The following CCND2 variants were observed in gnomAD, a reference collection of about 807,000 sequenced individuals.
CCND2 encodes the protein cyclin D2.
CCND2 carries 6 observed loss-of-function variants against 30.2 expected under a neutral mutation model. That is an observed-to-expected ratio of 0.20 (90% CI 0.11 to 0.39). The LOEUF is 0.39. CCND2 is among the 10% of genes least tolerant of loss of function. The pLI is 1.00. For synonymous variants in CCND2, 150 were observed against 153.1 expected (o/e 0.98, Z 0.15); for missense variants, 235 against 373.4 (o/e 0.63, Z 3.06).
At chr12:4,284,831 G>A (rs1048893338) in intron 3 of CCND2, among the ~76,000 whole-genome samples, 2 of 151,618 alleles carry the variant, frequency 1.3e-5, no homozygotes, top group South Asian at 2.1e-4. Flanking sequence ...CAACTCCCGG[G>A]TTCAAGTGAT....
chr12:4,295,970 C>T (rs980072554), intron 4 of CCND2, among the ~76,000 whole-genome samples: 10 of 152,238 alleles, frequency 6.6e-5, no homozygotes, highest in African/African-American at 2.2e-4. Flanking sequence ...CCTCAAGTCC[C>T]GTGGCTCTGA....
chr12:4,292,867 C>T (rs959194409), intron 4 of CCND2, among the ~76,000 whole-genome samples: 3 of 152,102 alleles, frequency 2.0e-5, no homozygotes, highest in Non-Finnish European at 2.9e-5. Context: ...TGGGCTGAAT[C>T]GGGGTCCTCT....
chr12:4,305,131 A>T lies in CCND2; in HGVS notation c.*5122A>T. 1 of 233,632 alleles carries T rather than the reference A, an allele frequency of 4.3e-6. No individual in the cohort carries two copies. The highest frequency in any genetic ancestry group is 6.0e-5 in the East Asian group (1 of 16,558). The allele number at this position is 233,632 out of a possible 1,614,324, so 14.5% of individuals were successfully genotyped here. On this transcript the variant is annotated 3_prime_UTR_variant, in exon 5 of 5. Transcript: ENST00000261254. The surrounding 1 kb of genome is among the most constrained non-coding windows in gnomAD (Gnocchi z 6.4). ...GAAAGTGCTGATAAGTAGCATGATC[A>T]GTGTATGCGAAAAGGTTTTTAGGAA... is the stretch of plus-strand genomic sequence containing the variant.
chr12:4,282,823 G>C lies in CCND2; in HGVS notation c.571+3904G>C, dbSNP rs1591646206. On this transcript the variant is annotated intron_variant, in intron 3 of 4. Coordinates refer to ENST00000261254, the MANE Select transcript of CCND2 (RefSeq NM_001759.4). This position sits in a 1 kb window ranked among gnomAD's most constrained non-coding sequence, Gnocchi z 4.3. ...CTGCCCCACAAGGACAGGGTATGCT[G>C]GTCCTCTTATGGGGGTGGCAGATGA... 6.6e-6 allele frequency among the ~76,000 whole-genome samples: 1 copy of C among 152,232 alleles called. No homozygotes were observed. The highest frequency in any genetic ancestry group is 1.5e-5 in the Non-Finnish European group (1 of 68,034).
chr12:4,275,977 C>A, intron 1 of CCND2, 28 bp from the exon 2 acceptor site: 1 of 1,393,530 alleles, frequency 7.2e-7, no homozygotes, highest in Non-Finnish European at 9.9e-7. Flanking sequence ...CACCCCCGCC[C>A]CCCAACCCTT....
At chr12:4,290,269 T>C (rs1864080959) in intron 4 of CCND2, among the ~76,000 whole-genome samples, 2 of 152,120 alleles carry the variant, frequency 1.3e-5, no homozygotes, top group South Asian at 4.1e-4. Flanking sequence ...ACGGAGCAAA[T>C]CCGGGGTCCT....
chr12:4,278,951 G>A (rs768729146), intron 3 of CCND2, 32 bp downstream of exon 3: 14 of 1,589,206 alleles, frequency 8.8e-6, no homozygotes, highest in African/African-American at 6.7e-5. Flanking sequence ...GGAGGGAGAT[G>A]GGGGAGCTCT....
At chr12:4,296,124 G>A (rs1025277587) in intron 4 of CCND2, among the ~76,000 whole-genome samples, 1 of 152,224 alleles carries the variant, frequency 6.6e-6, no homozygotes, top group South Asian at 2.1e-4. Context: ...GGGAAGACGC[G>A]CATGGCCTGA....
chr12:4,275,959 A>C, intron 1 of CCND2, 46 bp from the exon 2 acceptor site: 5 of 1,133,198 alleles, frequency 4.4e-6, no homozygotes, highest in Non-Finnish European at 6.3e-6. Context: ...TGCTGATGCT[A>C]TGCTCTCCAC....
At chr12:4,289,247 T>G in intron 4 of CCND2, 1 of 280,514 alleles carries the variant, frequency 3.6e-6, no homozygotes. Flanking sequence ...CGATGTTCCT[T>G]TATGGCGTGG....
rs1343282901 is a variant in CCND2, at chr12:4,301,916, G to GT, written c.*1918dup. ...TTCTTCTGGTAGCATATTCATGGTT[G>GT]TTTTTTTTTTTCTTTTTTGGTTTTT... is the stretch of plus-strand genomic sequence containing the variant. On this transcript the variant is annotated 3_prime_UTR_variant, in exon 5 of 5. Transcript: ENST00000261254. 4,123 of 174,288 alleles carry GT rather than the reference G, an allele frequency of 0.024. No individual in the cohort carries two copies. The highest frequency in any genetic ancestry group is 0.034 in the East Asian group (373 of 11,100). The allele number at this position is 174,288 out of a possible 1,614,324, so 10.8% of individuals were successfully genotyped here.
In CCND2 at chr12:4,293,522, A is replaced by G. The variant is rs3217881; in HGVS notation, c.720+4532A>G. The stretch of plus-strand genomic sequence containing the variant: ...CGAACCCGTCACCCAGACAGTGTAC[A>G]CAGTACCCAATAGGGAGTGTTTCAA... On this transcript the variant is annotated intron_variant, in intron 4 of 4. Coordinates refer to ENST00000261254, the MANE Select transcript of CCND2 (RefSeq NM_001759.4). This position sits in a 1 kb window ranked among gnomAD's most constrained non-coding sequence, Gnocchi z 4.9. 0.45 allele frequency among the ~76,000 whole-genome samples: 68,110 copies of G among 152,028 alleles called. 16,460 individuals carry two copies. Among genetic ancestry groups the G allele is most frequent in the Middle Eastern group, 0.61 (180 of 294 alleles).
intron 3 of CCND2, among the ~76,000 whole-genome samples, chr12:4,280,084 T>G (rs533711519): frequency 6.6e-6 from 1 of 152,026 alleles, no homozygotes; most frequent in South Asian, 2.1e-4. Context: ...AACCCGAGCT[T>G]CTTCATCTCC....
chr12:4,299,810 C>CT lies in CCND2; in HGVS notation c.721-49dup. The stretch of plus-strand genomic sequence containing the variant: ...ACGCATGTTTTCTCCGTAGGATGCT[C>CT]TATGTCCTGTTCCTCTTACTAACAA... On this transcript the variant is annotated intron_variant, in intron 4 of 4. Transcript: ENST00000261254. This position sits in a 1 kb window ranked among gnomAD's most constrained non-coding sequence, Gnocchi z 5.2. 1 of 1,571,024 alleles carries CT rather than the reference C, an allele frequency of 6.4e-7. No individual in the cohort carries two copies. The highest frequency in any genetic ancestry group is 8.7e-7 in the Non-Finnish European group (1 of 1,147,936).
intron 4 of CCND2, among the ~76,000 whole-genome samples, chr12:4,297,156 C>G (rs1448748646): frequency 1.9e-5 from 2 of 104,834 alleles, no homozygotes; most frequent in African/African-American, 6.9e-5. Context: ...CAGTTCTGAC[C>G]GTTGTCACTT....
In CCND2 at chr12:4,293,779, C is replaced by T. The variant is rs1048462608; in HGVS notation, c.720+4789C>T. Among the ~76,000 whole-genome samples, 1 of 152,104 alleles carries T rather than the reference C, an allele frequency of 6.6e-6. No individual in the cohort carries two copies. On this transcript the variant is annotated intron_variant, in intron 4 of 4. Transcript: ENST00000261254. The surrounding 1 kb of genome is among the most constrained non-coding windows in gnomAD (Gnocchi z 4.9). ...GTAGCTGGAAGTGCCGCCACCCTCG[C>T]CCCACATGTCATTTTCAAGCCTCCA...
chr12:4,304,076 C>T lies in CCND2; in HGVS notation c.*4067C>T. On this transcript the variant is annotated 3_prime_UTR_variant, in exon 5 of 5. Transcript: ENST00000261254. The surrounding 1 kb of genome is among the most constrained non-coding windows in gnomAD (Gnocchi z 6.2). ...AGCTCTGGGACTGAAAGGTTAAGAA[C>T]ATAAGGCAGGATCAGATGACTCTCT... 1 of 233,392 alleles carries T rather than the reference C, an allele frequency of 4.3e-6. No homozygotes were observed. Among genetic ancestry groups the T allele is most frequent in the Non-Finnish European group, 8.5e-6 (1 of 118,120 alleles). The allele number at this position is 233,392 out of a possible 1,614,324, so 14.5% of individuals were successfully genotyped here.
In CCND2 at chr12:4,293,647, A is replaced by G. The variant is rs997202441; in HGVS notation, c.720+4657A>G. ...ATCCTGGCATTTTACGGTCCTGGTTATCAATGAGCTATTAAAAAGCAGGGA... is the reference window on the plus strand; with the variant it reads ...ATCCTGGCATTTTACGGTCCTGGTTGTCAATGAGCTATTAAAAAGCAGGGA... On this transcript the variant is annotated intron_variant, in intron 4 of 4. Coordinates refer to ENST00000261254, the MANE Select transcript of CCND2 (RefSeq NM_001759.4). The surrounding 1 kb of genome is among the most constrained non-coding windows in gnomAD (Gnocchi z 4.9). Among the ~76,000 whole-genome samples, 3 of 152,216 alleles carry G rather than the reference A, an allele frequency of 2.0e-5. No individual in the cohort carries two copies. The highest frequency in any genetic ancestry group is 1.3e-4 in the Admixed American group (2 of 15,286).
In CCND2 at chr12:4,282,245, C is replaced by T. The variant is rs963417193; in HGVS notation, c.571+3326C>T. Among the ~76,000 whole-genome samples the T allele has an allele frequency of 3.3e-5, 5 of 152,094 alleles. No homozygotes were observed. Among genetic ancestry groups the T allele is most frequent in the African/African-American group, 1.2e-4 (5 of 41,424 alleles). ...GCACCGGGTAGGGGGAGGTGCTCAC[C>T]CTCCCTCTCCAGGCACCCACATCCC... On this transcript the variant is annotated intron_variant, in intron 3 of 4. Transcript: ENST00000261254. This position sits in a 1 kb window ranked among gnomAD's most constrained non-coding sequence, Gnocchi z 4.3.
Sources: allele counts gnomAD v4.1 joint callset (sites outside exome capture counted in the v4.1 genomes callset), GRCh38; gene constraint gnomAD v4.1.1; non-coding constraint Gnocchi (gnomAD v3.1); transcripts MANE v1.5; gene names NCBI Gene and HGNC (gene_info 2026-07-23, HGNC 2026-07-21).